The following DCTN2 variants were observed in gnomAD, a reference collection of about 807,000 sequenced individuals.
DCTN2 encodes the protein 50 kDa dynein-associated polypeptide.
In DCTN2, 18 loss-of-function variants were observed where a neutral mutation model predicts 55.4. The ratio of observed to expected loss-of-function variants is 0.32; its 90% confidence interval spans 0.22 to 0.48. The LOEUF (loss-of-function observed/expected upper bound fraction) is 0.48, where lower values mean the gene tolerates loss of function less well. DCTN2 is among the 20% of genes least tolerant of loss of function. The probability of loss-of-function intolerance (pLI) is 0.99; values close to 1 mark genes in which losing one functional copy is unlikely to be tolerated. For missense variants in DCTN2, 390 were observed against 491.0 expected, an observed-to-expected ratio of 0.79 and a Z score of 1.94; for synonymous variants, 168 against 185.2, an observed-to-expected ratio of 0.91 and a Z score of 0.76.
At chr12:57,536,703 T>C (rs1880261843) in intron 2 of DCTN2, among the ~76,000 whole-genome samples, 1 of 152,134 alleles carries the variant, frequency 6.6e-6, no homozygotes, top group African/African-American at 2.4e-5. Context: ...CCCTAGAAAC[T>C]GAAGCAGAGA....
chr12:57,533,437 C>T (rs1293043365), intron 7 of DCTN2, 134 bp from the exon 8 acceptor site: 5 of 842,332 alleles, frequency 5.9e-6, no homozygotes, highest in African/African-American at 3.3e-5. Context: ...TACCTAGCCA[C>T]AATCTTAAAA....
chr12:57,546,836 G>A (rs1231615515), intron 1 of DCTN2, among the ~76,000 whole-genome samples, 192 bp downstream of exon 1: 4 of 152,228 alleles, frequency 2.6e-5, no homozygotes, highest in Admixed American at 6.5e-5. Flanking sequence ...GGCCTGGTGC[G>A]CCGTCCGGCG....
At chr12:57,541,521 G>A (rs1157899014) in intron 2 of DCTN2, 1 of 761,378 alleles carries the variant, frequency 1.3e-6, no homozygotes, top group African/African-American at 1.8e-5. Flanking sequence ...TCTCATCTCA[G>A]GAGTGTCCAG....
intron 2 of DCTN2, chr12:57,543,669 T>G: frequency 9.4e-6 from 7 of 744,900 alleles, no homozygotes; most frequent in Non-Finnish European, 1.1e-5. Context: ...ATCTTGGCTC[T>G]TCGGGCCCCT....
chr12:57,538,534 T>A (rs763589640), intron 2 of DCTN2: 2 of 758,990 alleles, frequency 2.6e-6, no homozygotes, highest in Non-Finnish European at 4.8e-6. Flanking sequence ...CCTTGTGGTT[T>A]CCCCAGAGGT....
intron 2 of DCTN2, chr12:57,543,030 C>T (rs1007134328): frequency 1.5e-5 from 7 of 455,150 alleles, no homozygotes; most frequent in South Asian, 3.1e-5. Context: ...AAGATTAAGG[C>T]GGAGAATGCT....
intron 2 of DCTN2, among the ~76,000 whole-genome samples, chr12:57,543,543 C>T (rs1880887682): frequency 1.3e-5 from 2 of 152,082 alleles, no homozygotes; most frequent in Non-Finnish European, 2.9e-5. Flanking sequence ...CCTCAAATTG[C>T]ATATTTACGT....
chr12:57,533,737 C>G (rs1374507359), intron 7 of DCTN2, among the ~76,000 whole-genome samples: 1 of 148,258 alleles, frequency 6.7e-6, no homozygotes, highest in East Asian at 2.0e-4. Context: ...CGCCACTGCA[C>G]TCCAGCCTGG....
chr12:57,534,583 C>A, intron 5 of DCTN2, 131 bp from the exon 6 acceptor site: 1 of 868,032 alleles, frequency 1.2e-6, no homozygotes, highest in Non-Finnish European at 1.7e-6. Flanking sequence ...AGACTGCCCA[C>A]CTGTATGTAG....
At chr12:57,541,938 A>C (rs534018685) in intron 2 of DCTN2, among the ~76,000 whole-genome samples, 59 of 152,334 alleles carry the variant, frequency 3.9e-4, no homozygotes, top group African/African-American at 1.4e-3. Flanking sequence ...CCTGTTTTAG[A>C]AGATTTTACT....
intron 3 of DCTN2, 31 bp downstream of exon 3, chr12:57,535,718 T>TC (rs758849057): frequency 3.1e-6 from 5 of 1,588,990 alleles, no homozygotes; most frequent in Middle Eastern, 1.7e-4. Context: ...CCTCCAGTCT[T>TC]CCCCCCACCC....
intron 2 of DCTN2, among the ~76,000 whole-genome samples, chr12:57,536,987 ATT>A (rs757375180): frequency 1.4e-5 from 2 of 142,378 alleles, no homozygotes; most frequent in Non-Finnish European, 1.5e-5. Context: ...ATCACTTATA[ATT>A]TTTTTTTTTT....
At chr12:57,540,228 C>T in intron 2 of DCTN2, 1 of 744,006 alleles carries the variant, frequency 1.3e-6, no homozygotes, top group Non-Finnish European at 1.6e-6. Context: ...AAGCTAAAAC[C>T]AGCTTGGGAG....
rs115211069 is a variant in DCTN2 at position 57,544,178 on chromosome 12, T to C, written c.105+1850A>G. 2.3e-3 allele frequency: 999 copies of C among 438,470 alleles called. 8 individuals carry two copies. The highest frequency in any genetic ancestry group is 0.016 in the African/African-American group (767 of 49,124). 27.2% of individuals were successfully genotyped at this position (438,470 alleles called of 1,614,324 possible). ...TGGTAGTGCAGTAAAGTTCTCAGCA[T>C]ACAGCTGTCTCTTGGCAACTGTGGG... On this transcript the variant is annotated intron_variant, in intron 2 of 13. Transcript: ENST00000548249.
chr12:57,530,817 T>C (rs372745837), intron 13 of DCTN2, 42 bp from the exon 14 acceptor site: 6 of 1,506,952 alleles, frequency 4.0e-6, no homozygotes, highest in Non-Finnish European at 5.5e-6. Context: ...TCAGGTCCAG[T>C]TGCTTAACTG....
intron 6 of DCTN2, 31 bp downstream of exon 6, chr12:57,534,261 C>A: frequency 6.4e-7 from 1 of 1,554,734 alleles, no homozygotes; most frequent in Non-Finnish European, 8.7e-7. Context: ...CCCCAGTCAG[C>A]AATGATTTTT....
rs1880047861 is a variant in DCTN2, at chr12:57,534,447, T to G, written c.369A>C (p.Thr123=). 1 of 1,586,060 alleles carries G rather than the reference T, an allele frequency of 6.3e-7. No individual in the cohort carries two copies. The highest frequency in any genetic ancestry group is 1.1e-5 in the South Asian group (1 of 87,564). ...TCTCCTCTGTGGCTGACTCCTTCAC[T>G]GTCGTCTAGTATGAAAAAAGGTAGA... The part of the protein sequence containing the change: ...LTTEVEKIKT[T]VKESATEEKL... The change falls in exon 6 of 14, where the codon ACA becomes ACC. Residue 123 remains threonine (T), a synonymous_variant. Coordinates refer to ENST00000548249, the MANE Select transcript of DCTN2 (RefSeq NM_001261413.2).
rs1312625859 is a variant in DCTN2 at position 57,530,403 on chromosome 12, C to T, written c.*286G>A. 5.6e-6 allele frequency: 2 copies of T among 357,668 alleles called. No individual in the cohort carries two copies. The highest frequency in any genetic ancestry group is 4.0e-5 in the African/African-American group (2 of 49,606). 22.2% of individuals were successfully genotyped at this position (357,668 alleles called of 1,614,324 possible). ...TTGGGGGACAAGACCCAATCCTTCC[C>T]CACACCAGGCAAAGCAGTATTGGAC... On this transcript the variant is annotated 3_prime_UTR_variant, in exon 14 of 14. Transcript: ENST00000548249.
chr12:57,538,068 C>T (rs765878492), intron 2 of DCTN2, among the ~76,000 whole-genome samples: 6 of 152,190 alleles, frequency 3.9e-5, no homozygotes, highest in Admixed American at 2.0e-4. Context: ...TTTGTTAAGC[C>T]CTTATTATGG....
Sources: gnomAD v4.1 joint callset for allele counts (sites outside exome capture counted in the v4.1 genomes callset) on GRCh38, gnomAD v4.1.1 for gene constraint, MANE v1.5 for transcripts, NCBI Gene and HGNC (gene_info 2026-07-23, HGNC 2026-07-21) for gene names.